The following TRAPPC12 variants were observed in gnomAD, a reference collection of about 807,000 sequenced individuals.
The protein encoded by TRAPPC12 is trafficking protein particle complex subunit 12, also known as TPR repeat protein 15.
Under a neutral mutation model 69.2 loss-of-function variants are expected in TRAPPC12, and 61 were observed. The ratio of observed to expected loss-of-function variants is 0.88; its 90% CI spans 0.72 to 1.09. TRAPPC12 has a LOEUF of 1.09. Ranked by LOEUF, TRAPPC12 falls within the 50% of genes least tolerant of loss-of-function variation. The pLI, the probability that TRAPPC12 is intolerant of heterozygous loss-of-function variation, is 0.00. For synonymous variants in TRAPPC12, 469 were observed against 438.9 expected, an observed-to-expected ratio of 1.07 and a Z score of -0.86; for missense variants, 1,101 against 1,016.4, an observed-to-expected ratio of 1.08 and a Z score of -1.13.
chr2:3,398,712 C>A (rs533393648), intron 2 of TRAPPC12, among the ~76,000 whole-genome samples: 1 of 152,214 alleles, frequency 6.6e-6, no homozygotes, highest in Non-Finnish European at 1.5e-5. Context: ...AGGCCCTAAC[C>A]GCCTGTCAGC....
At position 3,453,503 on chromosome 2, in the gene TRAPPC12, T is replaced by C. The variant is rs146324718; in HGVS notation, c.1531-4118T>C. Among the ~76,000 whole-genome samples the C allele has an allele frequency of 6.1e-4, 93 of 152,300 alleles. 2 individuals are homozygous for C. Among genetic ancestry groups the C allele is most frequent in the African/African-American group, 2.1e-3 (87 of 41,568 alleles). On this transcript the variant is annotated intron_variant, in intron 6 of 11. Transcript: ENST00000324266. ...CACTGTTGCCTCATCTCTGTCCTCT[T>C]CCTCCTATGCCCTCGCCTGGGCCCT...
intron 3 of TRAPPC12, among the ~76,000 whole-genome samples, chr2:3,418,690 T>TG (rs970755164): frequency 6.6e-6 from 1 of 151,658 alleles, no homozygotes; most frequent in African/African-American, 2.4e-5. Flanking sequence ...CAGTAGGGGG[T>TG]GGGGGGCGTC....
rs199724929 is a variant in TRAPPC12, at chr2:3,457,618, C to A, written c.1531-3C>A. The A allele has an allele frequency of 3.1e-6, 5 of 1,612,626 alleles. No homozygotes were observed. The highest frequency in any genetic ancestry group is 4.2e-6 in the Non-Finnish European group (5 of 1,179,788). ...TTGTCCTTCTCATTTGGAATGATTG[C>A]AGATCCTGGCCAATTTGGAGCAAGG... is the stretch of plus-strand genomic sequence containing the variant. On this transcript the variant is annotated splice_region_variant and splice_polypyrimidine_tract_variant and intron_variant, in intron 6 of 11. Coordinates refer to ENST00000324266, the MANE Select transcript of TRAPPC12 (RefSeq NM_016030.6).
At chr2:3,457,196 G>A (rs1330997184) in intron 6 of TRAPPC12, 1 of 446,848 alleles carries the variant, frequency 2.2e-6, no homozygotes, top group African/African-American at 2.0e-5. Flanking sequence ...AATTAACACA[G>A]AAACAGAAAA....
In TRAPPC12 at chr2:3,388,677, C is replaced by T. The variant is rs1660648312; in HGVS notation, c.1047+7C>T. On this transcript the variant is annotated splice_region_variant and intron_variant, in intron 2 of 11. Transcript: ENST00000324266. ...CAGGTTCGACAACATCCAGGTGAGC[C>T]CGGGTCTCCCACCTCCGCAGCCCGT... 6.5e-7 allele frequency: 1 copy of T among 1,533,042 alleles called. No homozygotes were observed. Among genetic ancestry groups the T allele is most frequent in the South Asian group, 1.2e-5 (1 of 81,992 alleles). The allele number at this position is 1,533,042 out of a possible 1,614,324, so 95.0% of individuals were successfully genotyped here. A position where few individuals can be genotyped will look rare whatever the true frequency, so the allele number is the denominator to read the frequency against.
At chr2:3,462,885 C>T (rs765090487) in intron 8 of TRAPPC12, 10 of 470,766 alleles carry the variant, frequency 2.1e-5, no homozygotes, top group South Asian at 4.6e-5. Context: ...CAGAACCCGC[C>T]GTGGCTCCGC....
intron 5 of TRAPPC12, among the ~76,000 whole-genome samples, chr2:3,439,483 G>A (rs1418322055): frequency 1.3e-5 from 2 of 152,136 alleles, no homozygotes; most frequent in Non-Finnish European, 2.9e-5. Context: ...AAAAAAAAGC[G>A]ATCAGCTCGC....
At chr2:3,400,119 G>A (rs1171698754) in intron 2 of TRAPPC12, among the ~76,000 whole-genome samples, 1 of 152,210 alleles carries the variant, frequency 6.6e-6, no homozygotes, top group Admixed American at 6.5e-5. Context: ...AGCTGCTGCG[G>A]GCCAGACGCC....
rs138505799 is a variant in TRAPPC12, at chr2:3,479,536, A to G, written c.*75A>G. On this transcript the variant is annotated 3_prime_UTR_variant, in exon 12 of 12. Transcript: ENST00000324266. ...CTTGAAGCTAATGTATTAATGTGAC[A>G]TGGAGGAACTCAATAAAACTCCTGC... 1,623 of 1,547,752 alleles carry G rather than the reference A, an allele frequency of 1.0e-3. 3 individuals are homozygous for G. Among genetic ancestry groups the G allele is most frequent in the Middle Eastern group, 6.3e-3 (36 of 5,708 alleles).
chr2:3,425,699 G>A (rs1262952358), intron 5 of TRAPPC12, among the ~76,000 whole-genome samples: 1 of 152,216 alleles, frequency 6.6e-6, no homozygotes, highest in Non-Finnish European at 1.5e-5. Flanking sequence ...CAGCAGTGGA[G>A]CTACAGAGAA....
intron 5 of TRAPPC12, among the ~76,000 whole-genome samples, chr2:3,431,605 A>G (rs202227995): frequency 1.3e-5 from 2 of 148,356 alleles, no homozygotes; most frequent in Admixed American, 1.3e-4. Context: ...TTTTTTTTTT[A>G]TTTTTTAAAT....
chr2:3,386,332 TA>T lies in TRAPPC12; in HGVS notation c.-4-1284del, dbSNP rs752439347. On this transcript the variant is annotated intron_variant, in intron 1 of 11. Coordinates refer to ENST00000324266, the MANE Select transcript of TRAPPC12 (RefSeq NM_016030.6). ...ACTATGAGAGTAAAACTACATAAAG[TA>T]AAAGTTTTTCAAGAAAAAGAACAAA... Among the ~76,000 whole-genome samples the T allele has an allele frequency of 3.9e-5, 6 of 152,196 alleles. No individual in the cohort carries two copies. In the South Asian group the frequency reaches 1.2e-3, roughly 31 times the overall value.
At chr2:3,396,536 TTC>T (rs1170221621) in intron 2 of TRAPPC12, among the ~76,000 whole-genome samples, 1 of 152,168 alleles carries the variant, frequency 6.6e-6, no homozygotes, top group African/African-American at 2.4e-5. Context: ...TTCAGGTATT[TTC>T]TGTGTTTTTT....
intron 8 of TRAPPC12, among the ~76,000 whole-genome samples, chr2:3,462,244 A>C (rs1411581231): frequency 6.6e-6 from 1 of 152,212 alleles, no homozygotes; most frequent in Non-Finnish European, 1.5e-5. Flanking sequence ...CAGGCTCCGA[A>C]TGTGAGTCTT....
chr2:3,390,420 A>G (rs965121595), intron 2 of TRAPPC12, among the ~76,000 whole-genome samples: 1 of 152,250 alleles, frequency 6.6e-6, no homozygotes, highest in African/African-American at 2.4e-5. Flanking sequence ...TCATACTTCT[A>G]TACATATACC....
intron 3 of TRAPPC12, among the ~76,000 whole-genome samples, chr2:3,413,546 T>C (rs899054934): frequency 2.5e-4 from 38 of 152,324 alleles, no homozygotes; most frequent in Non-Finnish European, 5.3e-4. Context: ...TGTGATTGAA[T>C]ATCATGCAGC....
chr2:3,473,905 A>T (rs1200989950), intron 9 of TRAPPC12, among the ~76,000 whole-genome samples: 1 of 152,244 alleles, frequency 6.6e-6, no homozygotes, highest in Non-Finnish European at 1.5e-5. Context: ...GGCTGTTAAC[A>T]TAGCTGTTCT....
chr2:3,388,203 A>G lies in TRAPPC12; in HGVS notation c.580A>G (p.Arg194Gly). 6.2e-7 allele frequency: 1 copy of G among 1,609,430 alleles called. No homozygotes were observed. The change falls in exon 2 of 12, where the codon AGG (arginine) becomes GGG (glycine). Residue 194 changes from arginine (R) to glycine (G), a missense_variant. By Grantham distance (125) the Arg-to-Gly change is moderately radical (BLOSUM62 -2). Transcript: ENST00000324266. ...SFGGASEASA[R>G]TPPQVVQPSP... is the part of the protein sequence containing the mutation. ...CGGTGGCGCCAGCGAGGCCTCGGCCAGGACACCGCCCCAGGTCGTGCAGCC... is the reference window on the plus strand; with the variant it reads ...CGGTGGCGCCAGCGAGGCCTCGGCCGGGACACCGCCCCAGGTCGTGCAGCC...
At chr2:3,396,087 A>G (rs2103453919) in intron 2 of TRAPPC12, among the ~76,000 whole-genome samples, 1 of 151,630 alleles carries the variant, frequency 6.6e-6, no homozygotes, top group African/African-American at 2.4e-5. Context: ...CTGGTCTTGA[A>G]CTCATGACCT....
Sources: allele counts gnomAD v4.1 joint callset (sites outside exome capture counted in the v4.1 genomes callset), GRCh38; gene constraint gnomAD v4.1.1; transcripts MANE v1.5; gene names NCBI Gene and HGNC (gene_info 2026-07-23, HGNC 2026-07-21).